Variants in TRPM8 observed in about 807,000 individuals in gnomAD.
The protein encoded by TRPM8 is TRPM8 cationic channel.
TRPM8 carries 110 observed loss-of-function variants against 133.7 expected under a neutral mutation model. The observed-to-expected ratio is 0.82, with a 90% CI of 0.70 to 0.96. The LOEUF (loss-of-function observed/expected upper bound fraction) is 0.96. Ranked by LOEUF, TRPM8 falls within the 40% of genes least tolerant of loss-of-function variation. The pLI, the probability that TRPM8 is intolerant of heterozygous loss-of-function variation, is 0.00. For missense variants in TRPM8, 1,291 were observed against 1,379.5 expected, an observed-to-expected ratio of 0.94 and a Z score of 1.02; for synonymous variants, 535 against 532.3, an observed-to-expected ratio of 1.01 and a Z score of -0.07.
rs1692233239 is a variant in TRPM8 at position 233,989,920 on chromosome 2, C to T, written c.2939+4055C>T. On this transcript the variant is annotated intron_variant, in intron 21 of 25. Coordinates refer to ENST00000324695, the MANE Select transcript of TRPM8 (RefSeq NM_024080.5). This position sits in a 1 kb window ranked among gnomAD's most constrained non-coding sequence, Gnocchi z 4.2. Reference sequence around the variant, plus strand: ...CATTGTGCCCTGAAGATAAGTTCACCCCAGGCAGTTCTGAAAAGGACTCGT... The same window carrying T: ...CATTGTGCCCTGAAGATAAGTTCACTCCAGGCAGTTCTGAAAAGGACTCGT... Among the ~76,000 whole-genome samples the T allele has an allele frequency of 6.6e-6, 1 of 152,062 alleles. No homozygotes were observed. Among genetic ancestry groups the T allele is most frequent in the African/African-American group, 2.4e-5 (1 of 41,392 alleles).
rs989952647 is a variant in TRPM8 at position 233,965,811 on chromosome 2, G to A, written c.1880-799G>A. 3.3e-5 allele frequency among the ~76,000 whole-genome samples: 5 copies of A among 151,696 alleles called. No individual in the cohort carries two copies. In the South Asian group the frequency reaches 1.0e-3, roughly 32 times the overall value. On this transcript the variant is annotated intron_variant, in intron 14 of 25. Coordinates refer to ENST00000324695, the MANE Select transcript of TRPM8 (RefSeq NM_024080.5). The stretch of plus-strand genomic sequence containing the variant: ...TGCAATTTCTTTGTCATTAGGTGAT[G>A]AAATGTAAGCACACACTAATGCAAT...
At chr2:233,994,513 A>T (rs1052627861) in intron 21 of TRPM8, among the ~76,000 whole-genome samples, 1 of 152,156 alleles carries the variant, frequency 6.6e-6, no homozygotes, top group Non-Finnish European at 1.5e-5. Flanking sequence ...TCTTTTAAGG[A>T]TCTCACCCTG....
intron 21 of TRPM8, among the ~76,000 whole-genome samples, chr2:233,991,679 G>A (rs1203518766): frequency 3.9e-5 from 6 of 152,164 alleles, no homozygotes; most frequent in Non-Finnish European, 7.4e-5. Flanking sequence ...TGCAGACTTT[G>A]CATTCTGTTC....
rs535893583 is a variant in TRPM8, at chr2:233,984,297, C to T, written c.2761+1073C>T. Among the ~76,000 whole-genome samples the T allele has an allele frequency of 7.9e-5, 12 of 152,296 alleles. No homozygotes were observed. The East Asian group carries it at 1.7e-3, about 22-fold the overall frequency. On this transcript the variant is annotated intron_variant, in intron 20 of 25. Coordinates refer to ENST00000324695, the MANE Select transcript of TRPM8 (RefSeq NM_024080.5). ...CATGCTCAGATGAGGATCTCTGGCA[C>T]GGAGCAGCTCTCAGAGGCCAGACGT...
intron 11 of TRPM8, among the ~76,000 whole-genome samples, chr2:233,959,347 G>A (rs62192338): frequency 0.18 from 17,919 of 102,182 alleles, 1,448 homozygotes; most frequent in African/African-American, 0.29. Context: ...TTTTTTTTGA[G>A]ATGGAGTCTC....
intron 21 of TRPM8, among the ~76,000 whole-genome samples, chr2:233,987,906 C>T (rs1158257901): frequency 1.3e-5 from 2 of 152,028 alleles, no homozygotes; most frequent in Non-Finnish European, 2.9e-5. Context: ...TGACTTGCTC[C>T]TCCTTGCCTT....
rs1359374019 is a variant in TRPM8, at chr2:233,939,109, A to G, written c.460A>G (p.Asn154Asp). The G allele has an allele frequency of 6.2e-7, 1 of 1,614,212 alleles. No individual in the cohort carries two copies. Among genetic ancestry groups the G allele is most frequent in the South Asian group, 1.1e-5 (1 of 91,086 alleles). The change falls in exon 5 of 26, where the codon AAC becomes GAC. Residue 154 changes from asparagine (N) to aspartate (D), a missense_variant. Asn to Asp is a conservative substitution (Grantham distance 23). Around this residue, in one of 2 missense-constraint regions of TRPM8, gnomAD observed 963 missense variants for 968.9 expected, o/e 0.99. Coordinates refer to ENST00000324695, the MANE Select transcript of TRPM8 (RefSeq NM_024080.5). ...CATTTCTGTGACCGGGGGCGCCAAG[A>G]ACTTCGCCCTGAAGCCGCGCATGCG... ...LVISVTGGAK[N>D]FALKPRMRKI...
chr2:234,008,858 T>C (rs1053229293), intron 24 of TRPM8, among the ~76,000 whole-genome samples: 1 of 152,226 alleles, frequency 6.6e-6, no homozygotes, highest in Non-Finnish European at 1.5e-5. Context: ...TGCAGAGCTC[T>C]CATATAAGAA....
At chr2:233,977,399 C>T (rs1481800884) in intron 17 of TRPM8, among the ~76,000 whole-genome samples, 3 of 152,180 alleles carry the variant, frequency 2.0e-5, no homozygotes, top group Admixed American at 6.5e-5. Context: ...TATCTCCCTG[C>T]GATGGTAACT....
At chr2:234,001,983 G>T (rs1229858125) in intron 22 of TRPM8, among the ~76,000 whole-genome samples, 4 of 152,186 alleles carry the variant, frequency 2.6e-5, no homozygotes, top group Non-Finnish European at 5.9e-5. Flanking sequence ...CTCATCATCT[G>T]GGGGAGTGGG....
chr2:233,976,676 T>A (rs571585875), intron 17 of TRPM8, among the ~76,000 whole-genome samples: 2 of 152,266 alleles, frequency 1.3e-5, no homozygotes, highest in Non-Finnish European at 2.9e-5. Context: ...TGGGCCACTT[T>A]TAACTCAGCA....
chr2:234,013,064 G>A (rs1303921893), intron 24 of TRPM8, among the ~76,000 whole-genome samples: 3 of 152,084 alleles, frequency 2.0e-5, no homozygotes, highest in African/African-American at 7.2e-5. Flanking sequence ...TGTTCCTCAG[G>A]AACATTGGCC....
Position 233,961,103 on chromosome 2 carries a change from A to G in TRPM8, c.1653+37A>G, listed in dbSNP as rs776633222. The stretch of plus-strand genomic sequence containing the variant: ...GAGAGTTGCCTGCTTGAGTTCTCGG[A>G]TATTTTGAGGCTTCCCTCATAAGAT... On this transcript the variant is annotated intron_variant, in intron 12 of 25. Transcript: ENST00000324695. 15 of 1,594,540 alleles carry G rather than the reference A, an allele frequency of 9.4e-6. No individual in the cohort carries two copies. In the South Asian group the frequency reaches 1.6e-4, roughly 17 times the overall value.
chr2:233,944,120 A>T (rs1372284476), intron 6 of TRPM8, among the ~76,000 whole-genome samples: 1 of 152,124 alleles, frequency 6.6e-6, no homozygotes, highest in African/African-American at 2.4e-5. Flanking sequence ...TTATAATAAT[A>T]ACCTGTATTG....
chr2:233,963,455 AT>A, intron 13 of TRPM8, 78 bp downstream of exon 13: 1 of 805,034 alleles, frequency 1.2e-6, no homozygotes, highest in Non-Finnish European at 2.0e-6. Context: ...CAAAATTCGC[AT>A]GCCTAATATA....
At chr2:233,971,232 G>A (rs1691706091) in intron 17 of TRPM8, among the ~76,000 whole-genome samples, 1 of 152,216 alleles carries the variant, frequency 6.6e-6, no homozygotes, top group African/African-American at 2.4e-5. Flanking sequence ...CGTGTGCTAT[G>A]ATAGATCTGG....
At chr2:233,986,183 G>A (rs1295216184) in intron 21 of TRPM8, among the ~76,000 whole-genome samples, 7 of 152,168 alleles carry the variant, frequency 4.6e-5, no homozygotes, top group East Asian at 1.9e-4. Flanking sequence ...CATTGGTGAC[G>A]GAAATGTAGT....
At chr2:234,005,967 C>CACAG (rs1045698162) in intron 22 of TRPM8, among the ~76,000 whole-genome samples, 137 of 150,890 alleles carry the variant, frequency 9.1e-4, no homozygotes, top group African/African-American at 2.9e-3. Flanking sequence ...CACACACACA[C>CACAG]AGAATTTGCT....
At chr2:233,985,420 C>T (rs767902379) in intron 20 of TRPM8, among the ~76,000 whole-genome samples, 6 of 152,216 alleles carry the variant, frequency 3.9e-5, no homozygotes, top group Admixed American at 6.5e-5. Context: ...GAGGCTGGAA[C>T]GTTCTTGAGG....
Sources: allele counts gnomAD v4.1 joint callset (sites outside exome capture counted in the v4.1 genomes callset), GRCh38; gene constraint gnomAD v4.1.1; regional missense constraint gnomAD v4.1.1; non-coding constraint Gnocchi (gnomAD v3.1); transcripts MANE v1.5; gene names NCBI Gene and HGNC (gene_info 2026-07-23, HGNC 2026-07-21).